The following NDUFB6 variants were observed in gnomAD, a reference collection of about 807,000 sequenced individuals.
NDUFB6 encodes NADH dehydrogenase [ubiquinone] 1 beta subcomplex subunit 6.
In NDUFB6, 23 loss-of-function variants were observed where a neutral mutation model predicts 17.5. The observed-to-expected ratio is 1.31, with a 90% CI of 0.94 to 1.86. NDUFB6 has a LOEUF of 1.86. Ranked by LOEUF, NDUFB6 falls within the 40% of genes most tolerant of loss-of-function variation. The pLI is 0.00. For missense variants in NDUFB6, 167 were observed against 153.8 expected (o/e 1.09, Z -0.46); for synonymous variants, 60 against 53.5 (o/e 1.12, Z -0.53).
rs369857314 is a variant in NDUFB6 at position 32,572,962 on chromosome 9, C to T, written c.99G>A (p.Pro33=). 2 of 1,611,206 alleles carry T rather than the reference C, an allele frequency of 1.2e-6. No individual in the cohort carries two copies. Among genetic ancestry groups the T allele is most frequent in the Non-Finnish European group, 1.7e-6 (2 of 1,178,552 alleles). ...GCCCCATCTTCTGTGGGGGCAGCAC[C>T]GGCTCCCGAGGGCTCAGCTCCTGGT... ...LKDQELSPRE[P]VLPPQKMGPM... The change falls in exon 1 of 4, where the codon CCG becomes CCA. Residue 33 remains proline, a synonymous_variant. Coordinates refer to ENST00000379847, the MANE Select transcript of NDUFB6 (RefSeq NM_002493.5).
chr9:32,562,335 C>CTTA (rs1821649939), intron 2 of NDUFB6, among the ~76,000 whole-genome samples: 1 of 152,148 alleles, frequency 6.6e-6, no homozygotes, highest in Non-Finnish European at 1.5e-5. Context: ...GCTTAATCTG[C>CTTA]TTAGTACACG....
Position 32,573,010 on chromosome 9 carries a change from C to T in NDUFB6, c.51G>A (p.Glu17=). 6.2e-7 allele frequency: 1 copy of T among 1,605,918 alleles called. No homozygotes were observed. The highest frequency in any genetic ancestry group is 8.5e-7 in the Non-Finnish European group (1 of 1,175,644). ...GGTCCTTCAGCCATCGCCTTCTCAG[C>T]TCTCGCAGCTGCTGCAGCCGCAGTT... The part of the protein sequence containing the change: ...DEKLRLQQLR[E]LRRRWLKDQE... The change falls in exon 1 of 4, where the codon GAG becomes GAA. Residue 17 remains glutamate, a synonymous_variant. Coordinates refer to ENST00000379847, the MANE Select transcript of NDUFB6 (RefSeq NM_002493.5).
At chr9:32,571,588 T>G (rs1821942378) in intron 1 of NDUFB6, among the ~76,000 whole-genome samples, 1 of 152,010 alleles carries the variant, frequency 6.6e-6, no homozygotes, top group African/African-American at 2.4e-5. Flanking sequence ...CAACACTATT[T>G]TAAAAAAGAA....
intron 2 of NDUFB6, among the ~76,000 whole-genome samples, chr9:32,562,209 C>A (rs780323627): frequency 2.0e-5 from 3 of 152,176 alleles, no homozygotes; most frequent in Non-Finnish European, 2.9e-5. Context: ...CCAAATTATA[C>A]CTATCTTCCA....
rs74178816 is a variant in NDUFB6 at position 32,558,117 on chromosome 9, A to ATTTTTTTTTTTTT, written c.318+792_318+793insAAAAAAAAAAAAA. On this transcript the variant is annotated intron_variant, in intron 3 of 3. Coordinates refer to ENST00000379847, the MANE Select transcript of NDUFB6 (RefSeq NM_002493.5). ...TATAGCTCACACATTCATAGTATAC[A>ATTTTTTTTTTTTT]TTTTTTTTTTTTGAGACGGAGTCTC... Among the ~76,000 whole-genome samples the ATTTTTTTTTTTTT allele has an allele frequency of 8.8e-4, 119 of 135,224 alleles. 3 individuals carry two copies. The highest frequency in any genetic ancestry group is 2.9e-3 in the African/African-American group (107 of 36,436). 88.7% of individuals were successfully genotyped at this position (135,224 alleles called of 152,430 possible).
At chr9:32,554,969 G>C (rs1251151831) in intron 3 of NDUFB6, among the ~76,000 whole-genome samples, 1 of 152,160 alleles carries the variant, frequency 6.6e-6, no homozygotes, top group Non-Finnish European at 1.5e-5. Flanking sequence ...GGGATCCTTG[G>C]ATGCCTTGGG....
chr9:32,560,105 G>A (rs997899072), intron 2 of NDUFB6, among the ~76,000 whole-genome samples: 16 of 152,212 alleles, frequency 1.1e-4, no homozygotes, highest in Non-Finnish European at 4.4e-5. Flanking sequence ...AAAGTCATCT[G>A]AGAGATGCAG....
chr9:32,564,148 A>T (rs1204482463), intron 2 of NDUFB6, among the ~76,000 whole-genome samples: 2 of 152,188 alleles, frequency 1.3e-5, no homozygotes, highest in African/African-American at 2.4e-5. Flanking sequence ...GCATGCACAC[A>T]TCCACATTTA....
At chr9:32,563,455 C>T (rs1183151374) in intron 2 of NDUFB6, among the ~76,000 whole-genome samples, 1 of 149,498 alleles carries the variant, frequency 6.7e-6, no homozygotes, top group African/African-American at 2.5e-5. Context: ...AAGCGATCCT[C>T]CTGCTTCAGC....
At chr9:32,567,588 G>A (rs898428650) in intron 2 of NDUFB6, 1 of 381,786 alleles carries the variant, frequency 2.6e-6, no homozygotes, top group East Asian at 7.3e-5. Flanking sequence ...GCCTCCCAAA[G>A]TGCTGGGATT....
intron 2 of NDUFB6, among the ~76,000 whole-genome samples, chr9:32,559,634 G>A (rs1821571900): frequency 1.3e-5 from 2 of 151,988 alleles, no homozygotes; most frequent in African/African-American, 4.8e-5. Context: ...CCTAAATACT[G>A]CTTGACCTGT....
At chr9:32,558,841 C>T in intron 3 of NDUFB6, 69 bp downstream of exon 3, 2 of 1,100,076 alleles carry the variant, frequency 1.8e-6, no homozygotes, top group Non-Finnish European at 2.6e-6. Context: ...CTAATAATTG[C>T]TTGGAAAGGG....
At chr9:32,561,672 C>T (rs766174546) in intron 2 of NDUFB6, among the ~76,000 whole-genome samples, 2 of 152,164 alleles carry the variant, frequency 1.3e-5, no homozygotes, top group Non-Finnish European at 2.9e-5. Context: ...CCCTCCCTTC[C>T]AATACCCTAC....
intron 2 of NDUFB6, chr9:32,566,406 G>A (rs1821790373): frequency 5.5e-6 from 5 of 910,180 alleles, no homozygotes; most frequent in Non-Finnish European, 9.3e-6. Context: ...AGGTCCAGAA[G>A]AGGAGCCTGC....
At position 32,566,291 on chromosome 9, in the gene NDUFB6, A is replaced by G. The variant is rs1276206529; in HGVS notation, c.273+4669T>C. ...GGTTCTCTGAGGTAGAAAGCAGGCC[A>G]TAAAAATATTCCCAGTCCACTTCTC... On this transcript the variant is annotated intron_variant, in intron 2 of 3. Coordinates refer to ENST00000379847, the MANE Select transcript of NDUFB6 (RefSeq NM_002493.5). 10 of 1,149,978 alleles carry G rather than the reference A, an allele frequency of 8.7e-6. No individual in the cohort carries two copies. In the East Asian group the frequency reaches 2.1e-4, roughly 24 times the overall value. 71.2% of individuals were successfully genotyped at this position (1,149,978 alleles called of 1,614,324 possible).
In NDUFB6 at chr9:32,553,389, CTG is replaced by C. The variant is rs1219688853; in HGVS notation, c.*485_*486del. On this transcript the variant is annotated 3_prime_UTR_variant, in exon 4 of 4. Transcript: ENST00000379847. ...TATTTTTAGTAGGGACGGGGTTTCA[CTG>C]TGTTAGCCATGATGGTCTCGATCTC... 5.9e-6 allele frequency: 1 copy of C among 170,882 alleles called. No individual in the cohort carries two copies. Among genetic ancestry groups the C allele is most frequent in the East Asian group, 1.8e-4 (1 of 5,568 alleles). The allele number at this position is 170,882 out of a possible 1,614,324, so 10.6% of individuals were successfully genotyped here.
chr9:32,565,027 T>C (rs1378514575), intron 2 of NDUFB6, among the ~76,000 whole-genome samples: 3 of 152,184 alleles, frequency 2.0e-5, no homozygotes, highest in African/African-American at 7.2e-5. Flanking sequence ...GTGCGGTGGC[T>C]CACGCTTGTA....
At chr9:32,562,444 A>C (rs1821652944) in intron 2 of NDUFB6, among the ~76,000 whole-genome samples, 1 of 152,214 alleles carries the variant, frequency 6.6e-6, no homozygotes, top group African/African-American at 2.4e-5. Context: ...GGGTGTTCTG[A>C]AAACCCCCCA....
intron 3 of NDUFB6, 55 bp from the exon 4 acceptor site, chr9:32,553,999 G>C: frequency 9.4e-7 from 1 of 1,064,176 alleles, no homozygotes; most frequent in Non-Finnish European, 1.4e-6. Context: ...AGAGGTGATA[G>C]TTCTATTCTG....
Sources: allele counts gnomAD v4.1 joint callset (sites outside exome capture counted in the v4.1 genomes callset), GRCh38; gene constraint gnomAD v4.1.1; transcripts MANE v1.5; gene names NCBI Gene and HGNC (gene_info 2026-07-23, HGNC 2026-07-21).